TECPR1: variants seen among roughly 807,000 people sequenced by gnomAD.
TECPR1 encodes the protein tectonin beta-propeller repeat-containing protein 1.
In TECPR1, 122 loss-of-function variants were observed where a neutral mutation model predicts 162.4. The ratio of observed to expected loss-of-function variants is 0.75; its 90% CI spans 0.65 to 0.87. TECPR1 has a LOEUF of 0.87. Ranked by LOEUF, TECPR1 falls within the 40% of genes least tolerant of loss-of-function variation. TECPR1 has a pLI of 0.00. For missense variants in TECPR1, 1,432 were observed against 1,618.2 expected, an observed-to-expected ratio of 0.88 and a Z score of 1.97; for synonymous variants, 642 against 670.6, an observed-to-expected ratio of 0.96 and a Z score of 0.66.
rs117093858 is a variant in TECPR1 at position 98,228,930 on chromosome 7, C to A, written c.2410+109G>T. 67 of 1,419,504 alleles carry A rather than the reference C, an allele frequency of 4.7e-5. No individual in the cohort carries two copies. The African/African-American group carries it at 7.7e-4, about 16-fold the overall frequency. The allele number at this position is 1,419,504 out of a possible 1,614,324, so 87.9% of individuals were successfully genotyped here. ...GGTCACCTGTCAGCCAGCTGTTAGC[C>A]GAGTGTGAACACTGGGACAATGGCC... On this transcript the variant is annotated intron_variant, in intron 16 of 25. Transcript: ENST00000447648.
In TECPR1 at chr7:98,221,589, A is replaced by G. The variant is rs1798141755; in HGVS notation, c.3157+72T>C. 7 of 1,404,262 alleles carry G rather than the reference A, an allele frequency of 5.0e-6. No individual in the cohort carries two copies. The Admixed American group carries it at 1.3e-4, about 25-fold the overall frequency. 87.0% of individuals were successfully genotyped at this position (1,404,262 alleles called of 1,614,324 possible). On this transcript the variant is annotated intron_variant, in intron 23 of 25. Transcript: ENST00000447648. ...TGATCCGCTGGCCTCGGCCTCCCAA[A>G]GTGCTGAGATTACAGGTGTGAGCCA...
At chr7:98,239,831 C>T (rs567663715) in intron 8 of TECPR1, among the ~76,000 whole-genome samples, 1 of 152,198 alleles carries the variant, frequency 6.6e-6, no homozygotes, top group Admixed American at 6.5e-5. Flanking sequence ...CTGTGACTGG[C>T]CAGGCACGGT....
At position 98,241,048 on chromosome 7, in the gene TECPR1, G is replaced by C; in HGVS notation, c.832+22C>G. ...CTTCTCCCCAGTACAGGGTATGTGG[G>C]TGGGGGAGCCGGGCTGCCCACCTTT... is the stretch of plus-strand genomic sequence containing the variant. On this transcript the variant is annotated intron_variant, in intron 7 of 25. Transcript: ENST00000447648. This position sits in a 1 kb window ranked among gnomAD's most constrained non-coding sequence, Gnocchi z 5.0. The C allele has an allele frequency of 6.3e-7, 1 of 1,595,304 alleles. No individual in the cohort carries two copies. The highest frequency in any genetic ancestry group is 8.5e-7 in the Non-Finnish European group (1 of 1,170,358).
At chr7:98,240,108 C>CA (rs1361818171) in intron 8 of TECPR1, among the ~76,000 whole-genome samples, 4 of 151,292 alleles carry the variant, frequency 2.6e-5, no homozygotes, top group East Asian at 1.9e-4. Flanking sequence ...CACTCCGTCT[C>CA]AAAAAAAACA....
At chr7:98,247,985 C>T (rs866793232) in intron 2 of TECPR1, among the ~76,000 whole-genome samples, 9 of 152,188 alleles carry the variant, frequency 5.9e-5, no homozygotes, top group African/African-American at 1.7e-4. Context: ...CTTGGCCTCC[C>T]GAAGCGCTGG....
rs768251887 is a variant in TECPR1 at position 98,217,788 on chromosome 7, C to T, written c.3288G>A (p.Val1096=). 1.3e-5 allele frequency: 20 copies of T among 1,550,830 alleles called. No individual in the cohort carries two copies. In the Admixed American group the frequency reaches 3.1e-4, roughly 24 times the overall value. Residue 1096 remains valine (V), a synonymous_variant, in exon 25 of 26, where the codon GTG becomes GTA. Coordinates refer to ENST00000447648, the MANE Select transcript of TECPR1 (RefSeq NM_015395.3). The stretch of plus-strand genomic sequence containing the variant: ...CCCGGCTCAGGCTGTGGCTGCCCTG[C>T]ACTTTGTTGGCGATCACCCAGACCT... ...LDQVWVIANK[V]QGSHSLSRGT... is the part of the protein sequence containing the mutation.
chr7:98,249,953 T>G (rs1037499044), intron 2 of TECPR1, among the ~76,000 whole-genome samples: 1 of 151,756 alleles, frequency 6.6e-6, no homozygotes, highest in Non-Finnish European at 1.5e-5. Context: ...ACCAAGTCCC[T>G]TTCAGGTCTG....
In TECPR1 at chr7:98,217,321, C is replaced by T; in HGVS notation, c.*69G>A. 1 of 1,073,998 alleles carries T rather than the reference C, an allele frequency of 9.3e-7. No homozygotes were observed. Among genetic ancestry groups the T allele is most frequent in the Non-Finnish European group, 1.3e-6 (1 of 754,862 alleles). 66.5% of individuals were successfully genotyped at this position (1,073,998 alleles called of 1,614,324 possible). Reference sequence around the variant, plus strand: ...ATTGCTCCCACGGTGCACACTCCAGCACAAGAATGGCTCAGCCTTGATCCC... The same window carrying T: ...ATTGCTCCCACGGTGCACACTCCAGTACAAGAATGGCTCAGCCTTGATCCC... On this transcript the variant is annotated 3_prime_UTR_variant, in exon 26 of 26. Transcript: ENST00000447648.
intron 23 of TECPR1, among the ~76,000 whole-genome samples, chr7:98,220,006 A>G (rs1323478743): frequency 6.6e-6 from 1 of 151,958 alleles, no homozygotes; most frequent in African/African-American, 2.4e-5. Flanking sequence ...TGAGATATTA[A>G]TACCACTTTA....
At chr7:98,245,261 C>T (rs1377022344) in intron 3 of TECPR1, among the ~76,000 whole-genome samples, 194 bp from the exon 4 acceptor site, 1 of 152,240 alleles carries the variant, frequency 6.6e-6, no homozygotes, top group Non-Finnish European at 1.5e-5. Flanking sequence ...CATGAGCCAG[C>T]AAGTACATCA....
At chr7:98,239,762 G>A (rs1029484408) in intron 8 of TECPR1, among the ~76,000 whole-genome samples, 13 of 152,046 alleles carry the variant, frequency 8.6e-5, no homozygotes, top group Admixed American at 1.3e-4. Context: ...AGATGCAGAC[G>A]TGTGGGCCGT....
In TECPR1 at chr7:98,233,609, G is replaced by A. The variant is rs1212251423; in HGVS notation, c.1484C>T (p.Ala495Val). The change falls in exon 11 of 26, where the codon GCC (alanine) becomes GTC (valine). Residue 495 changes from alanine (A) to valine (V), a missense_variant. Physicochemically the swap from Ala to Val is moderately conservative, Grantham distance 64 (BLOSUM62 0). Coordinates refer to ENST00000447648, the MANE Select transcript of TECPR1 (RefSeq NM_015395.3). The part of the protein sequence containing the change: ...LPWTNIDLKE[A>V]KKVPSHSAAG... ...GGCCGAGTGGCTGGGCACTTTCTTG[G>A]CCTCCTTGAGGTCAATATTGGTCCA... is the stretch of plus-strand genomic sequence containing the variant. The A allele has an allele frequency of 8.2e-6, 13 of 1,586,908 alleles. No homozygotes were observed. Among genetic ancestry groups the A allele is most frequent in the Non-Finnish European group, 1.0e-5 (12 of 1,168,632 alleles).
At chr7:98,221,511 C>A in intron 23 of TECPR1, 150 bp downstream of exon 23, 1 of 608,240 alleles carries the variant, frequency 1.6e-6, no homozygotes, top group African/African-American at 1.9e-5. Context: ...TAGAGTCTCA[C>A]TGTGTCATGC....
chr7:98,249,676 G>A (rs770025433), intron 2 of TECPR1, among the ~76,000 whole-genome samples: 14 of 152,190 alleles, frequency 9.2e-5, no homozygotes, highest in South Asian at 2.1e-4. Context: ...AGGGCTGGGC[G>A]TGGTGGCTCA....
chr7:98,228,919 C>T, intron 16 of TECPR1, 120 bp downstream of exon 16: 2 of 1,378,886 alleles, frequency 1.5e-6, no homozygotes, highest in Non-Finnish European at 1.9e-6. Flanking sequence ...ACCTGTCAGC[C>T]AGCTGTTAGC....
At chr7:98,225,960 C>T (rs938462592) in intron 17 of TECPR1, among the ~76,000 whole-genome samples, 3 of 152,214 alleles carry the variant, frequency 2.0e-5, no homozygotes, top group African/African-American at 7.2e-5. Context: ...GTCTGTGGTA[C>T]TTTGTTAGTA....
At chr7:98,233,290 C>T (rs528308718) in intron 11 of TECPR1, 131 bp downstream of exon 11, 5 of 1,238,678 alleles carry the variant, frequency 4.0e-6, no homozygotes, top group Admixed American at 6.8e-5. Context: ...CTCAGAGCTG[C>T]TGAGCACAGT....
chr7:98,234,723 T>C (rs1798547069), intron 10 of TECPR1, among the ~76,000 whole-genome samples: 1 of 148,498 alleles, frequency 6.7e-6, no homozygotes, highest in South Asian at 2.2e-4. Context: ...TTTTTTTTTT[T>C]TTTTTGAGAT....
chr7:98,229,388 A>G (rs1798364195), intron 15 of TECPR1, among the ~76,000 whole-genome samples: 1 of 152,156 alleles, frequency 6.6e-6, no homozygotes, highest in South Asian at 2.1e-4. Flanking sequence ...GGGGCTGTGC[A>G]GGTCAGACCC....
Sources: gnomAD v4.1 joint callset for allele counts (sites outside exome capture counted in the v4.1 genomes callset) on GRCh38, gnomAD v4.1.1 for gene constraint, Gnocchi (gnomAD v3.1) non-coding constraint, MANE v1.5 for transcripts, NCBI Gene and HGNC (gene_info 2026-07-23, HGNC 2026-07-21) for gene names.